Variants in ATP9A observed in about 807,000 individuals in gnomAD.
ATP9A encodes probable phospholipid-transporting ATPase IIA.
In ATP9A, 52 loss-of-function variants were observed where a neutral mutation model predicts 144.1. The observed-to-expected ratio is 0.36, with a 90% confidence interval of 0.29 to 0.45. The LOEUF is 0.45. ATP9A is among the 20% of genes least tolerant of loss of function. The pLI is 1.00. For missense variants in ATP9A, 947 were observed against 1,392.7 expected (o/e 0.68, Z 5.09); for synonymous variants, 582 against 557.4 (o/e 1.04, Z -0.62).
intron 14 of ATP9A, among the ~76,000 whole-genome samples, chr20:51,649,713 G>A (rs1248109519): frequency 1.3e-5 from 2 of 152,064 alleles, no homozygotes; most frequent in Non-Finnish European, 2.9e-5. Flanking sequence ...TCAGGAGCTC[G>A]AGACCAGCCT....
At chr20:51,662,026 C>G (rs1374611235) in intron 13 of ATP9A, among the ~76,000 whole-genome samples, 1 of 152,156 alleles carries the variant, frequency 6.6e-6, no homozygotes, top group Non-Finnish European at 1.5e-5. Flanking sequence ...CTATAGAAAT[C>G]TGTAGCATGC....
chr20:51,600,807 A>AACACAC lies in ATP9A; in HGVS notation c.*398_*403dup, dbSNP rs35997419. 18,010 of 120,292 alleles carry AACACAC rather than the reference A, an allele frequency of 0.15. 1,374 individuals carry two copies. The highest frequency in any genetic ancestry group is 0.32 in the South Asian group (1,227 of 3,828). 7.5% of individuals were successfully genotyped at this position (120,292 alleles called of 1,614,324 possible). On this transcript the variant is annotated 3_prime_UTR_variant, in exon 28 of 28. Coordinates refer to ENST00000338821, the MANE Select transcript of ATP9A (RefSeq NM_006045.3). ...TACATACACATTAGGACTCTTTAAA[A>AACACAC]ACACACACACACACACACACACACA...
At chr20:51,641,366 A>C (rs1006394194) in intron 14 of ATP9A, among the ~76,000 whole-genome samples, 2 of 152,050 alleles carry the variant, frequency 1.3e-5, no homozygotes, top group Non-Finnish European at 2.9e-5. Context: ...CTCAAAAAAA[A>C]AATTATTATT....
chr20:51,729,696 G>C (rs2077731670), intron 2 of ATP9A, 138 bp downstream of exon 2: 1 of 976,284 alleles, frequency 1.0e-6, no homozygotes, highest in African/African-American at 1.7e-5. Context: ...AGTGAGCCAA[G>C]ATTGCGCCAC....
chr20:51,651,511 A>T (rs535343079), intron 14 of ATP9A, among the ~76,000 whole-genome samples: 1 of 151,394 alleles, frequency 6.6e-6, no homozygotes, highest in African/African-American at 2.4e-5. Flanking sequence ...GAGAAAATCT[A>T]TACCAGAACA....
rs2077173138 is a variant in ATP9A, at chr20:51,608,648, G to A, written c.2637-22C>T. On this transcript the variant is annotated intron_variant, in intron 24 of 27. Transcript: ENST00000338821. ...GTACCTGGGAGAGAAAACCGCCATA[G>A]GTAAGACCTGGCTGACGCGATAGGA... 5 of 1,482,652 alleles carry A rather than the reference G, an allele frequency of 3.4e-6. No homozygotes were observed. In the East Asian group the frequency reaches 1.1e-4, roughly 34 times the overall value. The allele number at this position is 1,482,652 out of a possible 1,614,324, so 91.8% of individuals were successfully genotyped here.
chr20:51,708,519 G>A (rs1276009349), intron 4 of ATP9A, among the ~76,000 whole-genome samples: 7 of 151,830 alleles, frequency 4.6e-5, no homozygotes, highest in South Asian at 4.2e-4. Context: ...CGGGTCACTC[G>A]AGCCTAGGAG....
At chr20:51,748,595 AG>A (rs1206940914) in intron 1 of ATP9A, among the ~76,000 whole-genome samples, 2 of 152,198 alleles carry the variant, frequency 1.3e-5, no homozygotes, top group Non-Finnish European at 2.9e-5. Flanking sequence ...AATAATGGCA[AG>A]GATGGACAAA....
In ATP9A at chr20:51,654,668, T is replaced by C. The variant is rs1037776089; in HGVS notation, c.1506+2270A>G. Among the ~76,000 whole-genome samples, 7 of 152,190 alleles carry C rather than the reference T, an allele frequency of 4.6e-5. 1 individual carries two copies. Among genetic ancestry groups the C allele is most frequent in the East Asian group, 3.9e-4 (2 of 5,180 alleles). On this transcript the variant is annotated intron_variant, in intron 14 of 27. Transcript: ENST00000338821. ...CATACCCACGAGTTCAGGGCTGCAG[T>C]GAGCCATGATTGCACCTATCAAGAG...
rs1025790482 is a variant in ATP9A, at chr20:51,611,273, G to A, written c.2572-1108C>T. On this transcript the variant is annotated intron_variant, in intron 23 of 27. Transcript: ENST00000338821. This position sits in a 1 kb window ranked among gnomAD's most constrained non-coding sequence, Gnocchi z 4.2. Reference sequence around the variant, plus strand: ...GCTCAGAGCGCAGGTGATCCTGAGCGCCATGGCCACAGGAAGCCCCAGTTC... The same window carrying A: ...GCTCAGAGCGCAGGTGATCCTGAGCACCATGGCCACAGGAAGCCCCAGTTC... 2.6e-5 allele frequency among the ~76,000 whole-genome samples: 4 copies of A among 152,216 alleles called. No individual in the cohort carries two copies. Among genetic ancestry groups the A allele is most frequent in the South Asian group, 2.1e-4 (1 of 4,822 alleles).
intron 19 of ATP9A, among the ~76,000 whole-genome samples, chr20:51,620,000 A>T (rs1312830605): frequency 6.6e-6 from 1 of 151,988 alleles, no homozygotes; most frequent in Non-Finnish European, 1.5e-5. Context: ...TCTATTTTGC[A>T]CCTAAGGAAA....
At chr20:51,661,913 G>A (rs1277508563) in intron 13 of ATP9A, among the ~76,000 whole-genome samples, 1 of 152,152 alleles carries the variant, frequency 6.6e-6, no homozygotes, top group African/African-American at 2.4e-5. Flanking sequence ...AAATTTAAAT[G>A]TACCCATATA....
At chr20:51,728,355 G>A (rs112897936) in intron 2 of ATP9A, among the ~76,000 whole-genome samples, 7 of 152,208 alleles carry the variant, frequency 4.6e-5, no homozygotes, top group African/African-American at 1.2e-4. Context: ...GGCTGGGAGC[G>A]CTGGCTCGTG....
chr20:51,642,148 G>GTTTGT (rs549930174), intron 14 of ATP9A, among the ~76,000 whole-genome samples: 13 of 150,906 alleles, frequency 8.6e-5, no homozygotes, highest in East Asian at 7.8e-4. Flanking sequence ...GTTTTTTTTT[G>GTTTGT]TTTGTTTTGT....
At position 51,757,799 on chromosome 20, in the gene ATP9A, G is replaced by C. The variant is rs375707516; in HGVS notation, c.68+10503C>G. Among the ~76,000 whole-genome samples, 25 of 152,174 alleles carry C rather than the reference G, an allele frequency of 1.6e-4. 3 individuals are homozygous for C. The highest frequency in any genetic ancestry group is 4.6e-4 in the Admixed American group (7 of 15,268). On this transcript the variant is annotated intron_variant, in intron 1 of 27. Coordinates refer to ENST00000338821, the MANE Select transcript of ATP9A (RefSeq NM_006045.3). ...TGCATGTTTGTAATCCCAGCTACTG[G>C]GGAGGCTGCAGCGGTAGGATTGTTT...
chr20:51,608,238 CAG>C (rs1473246306), intron 25 of ATP9A, among the ~76,000 whole-genome samples: 1 of 152,112 alleles, frequency 6.6e-6, no homozygotes, highest in Non-Finnish European at 1.5e-5. Flanking sequence ...GCGGAACTGT[CAG>C]GGGCTTTTTG....
chr20:51,658,800 G>A (rs1357662391), intron 13 of ATP9A, among the ~76,000 whole-genome samples: 1 of 146,060 alleles, frequency 6.8e-6, no homozygotes, highest in African/African-American at 2.5e-5. Flanking sequence ...GATTACAGGT[G>A]TGAGCCACCG....
At chr20:51,699,382 AAT>A (rs1390717777) in intron 4 of ATP9A, among the ~76,000 whole-genome samples, 1 of 151,804 alleles carries the variant, frequency 6.6e-6, no homozygotes, top group East Asian at 1.9e-4. Flanking sequence ...GACACGAAAT[AAT>A]ATAAGTGCAC....
At chr20:51,661,367 CT>C (rs35618042) in intron 13 of ATP9A, among the ~76,000 whole-genome samples, 71,402 of 145,906 alleles carry the variant, frequency 0.49, 17,623 homozygotes, top group East Asian at 0.79. Flanking sequence ...CTGAAATACA[CT>C]TTTTTTTTTT....
Sources: allele counts gnomAD v4.1 joint callset (sites outside exome capture counted in the v4.1 genomes callset), GRCh38; gene constraint gnomAD v4.1.1; non-coding constraint Gnocchi (gnomAD v3.1); transcripts MANE v1.5; gene names NCBI Gene and HGNC (gene_info 2026-07-23, HGNC 2026-07-21).